CPSF3: variants seen among roughly 807,000 people sequenced by gnomAD.
CPSF3 encodes the protein cleavage and polyadenylation specific factor 3.
Under a neutral mutation model 84.1 loss-of-function variants are expected in CPSF3, and 57 were observed. The observed-to-expected ratio is 0.68, with a 90% confidence interval of 0.55 to 0.85. The LOEUF (loss-of-function observed/expected upper bound fraction) is 0.85. Among genes scored for constraint, CPSF3 ranks in the 40% least tolerant of loss-of-function variants. The pLI, the probability that CPSF3 is intolerant of heterozygous loss-of-function variation, is 0.00. For missense variants in CPSF3, 522 were observed against 838.8 expected (o/e 0.62, Z 4.66); for synonymous variants, 275 against 278.1 (o/e 0.99, Z 0.11).
intron 7 of CPSF3, among the ~76,000 whole-genome samples, chr2:9,439,078 C>G (rs1572776738): frequency 6.6e-6 from 1 of 152,082 alleles, no homozygotes; most frequent in East Asian, 1.9e-4. Context: ...AGTAATAAAT[C>G]ATGAATGGGA....
intron 6 of CPSF3, among the ~76,000 whole-genome samples, chr2:9,435,070 A>G (rs1234691506): frequency 6.6e-6 from 1 of 152,254 alleles, no homozygotes; most frequent in African/African-American, 2.4e-5. Context: ...ACCATACTTT[A>G]GAGCAGTGCT....
intron 9 of CPSF3, among the ~76,000 whole-genome samples, chr2:9,442,382 T>G (rs1680982687): frequency 6.6e-6 from 1 of 152,232 alleles, no homozygotes; most frequent in South Asian, 2.1e-4. Context: ...TTTTCAGCTC[T>G]TAGGGATGTA....
rs763152292 is a variant in CPSF3 at position 9,423,699 on chromosome 2, C to A, written c.-75C>A. On this transcript the variant is annotated 5_prime_UTR_variant, in exon 1 of 18. Coordinates refer to ENST00000238112, the MANE Select transcript of CPSF3 (RefSeq NM_016207.4). Reference sequence around the variant, plus strand: ...ATGGGGTTCTTCCTTTTTTATTTACCGGTGGCTGTGCTTCCAATTTAGGAA... The same window carrying A: ...ATGGGGTTCTTCCTTTTTTATTTACAGGTGGCTGTGCTTCCAATTTAGGAA... 2 of 1,562,396 alleles carry A rather than the reference C, an allele frequency of 1.3e-6. No homozygotes were observed. The highest frequency in any genetic ancestry group is 2.7e-5 in the African/African-American group (2 of 73,028).
intron 15 of CPSF3, among the ~76,000 whole-genome samples, chr2:9,460,940 G>C (rs1298310379): frequency 6.6e-6 from 1 of 151,908 alleles, no homozygotes; most frequent in African/African-American, 2.4e-5. Flanking sequence ...ATTAGATCCT[G>C]GACTCTCAGA....
rs1212682639 is a variant in CPSF3 at position 9,453,022 on chromosome 2, G to A, written c.1504+1G>A. Reference sequence around the variant, plus strand: ...ATACTTTCTCCTTGCGACCTGTCCAGTAAGTATACTATTAAATGTCAAATC... The same window carrying A: ...ATACTTTCTCCTTGCGACCTGTCCAATAAGTATACTATTAAATGTCAAATC... On this transcript the variant is annotated splice_donor_variant, in intron 12 of 17. Transcript: ENST00000238112. LOFTEE classifies it high-confidence loss of function. The A allele has an allele frequency of 6.4e-6, 10 of 1,551,470 alleles. No individual in the cohort carries two copies. The highest frequency in any genetic ancestry group is 7.9e-6 in the Non-Finnish European group (9 of 1,136,950).
chr2:9,428,022 A>T (rs558066945), intron 1 of CPSF3, among the ~76,000 whole-genome samples: 3 of 149,548 alleles, frequency 2.0e-5, no homozygotes, highest in Non-Finnish European at 4.4e-5. Context: ...TTTGAGGCAG[A>T]GTCTCGCTCT....
chr2:9,451,554 A>G (rs1174794659), intron 11 of CPSF3, among the ~76,000 whole-genome samples: 1 of 152,126 alleles, frequency 6.6e-6, no homozygotes, highest in African/African-American at 2.4e-5. Context: ...CCTTAAGCTC[A>G]GGAATTGAAG....
intron 5 of CPSF3, among the ~76,000 whole-genome samples, chr2:9,433,482 A>C (rs771256782): frequency 1.4e-4 from 21 of 152,324 alleles, no homozygotes; most frequent in Admixed American, 2.6e-4. Context: ...GCAGATGTGA[A>C]TTCTCTTGGA....
At chr2:9,425,139 G>C (rs759497842) in intron 1 of CPSF3, among the ~76,000 whole-genome samples, 1 of 152,168 alleles carries the variant, frequency 6.6e-6, no homozygotes, top group Non-Finnish European at 1.5e-5. Flanking sequence ...AAGACTGGGG[G>C]GCCCAGGATG....
At chr2:9,438,771 T>TA (rs1680871136) in intron 7 of CPSF3, among the ~76,000 whole-genome samples, 1 of 152,196 alleles carries the variant, frequency 6.6e-6, no homozygotes, top group Admixed American at 6.5e-5. Flanking sequence ...AATTCAAATT[T>TA]AACTGAGTAT....
intron 11 of CPSF3, among the ~76,000 whole-genome samples, chr2:9,448,580 C>T (rs899513511): frequency 1.6e-4 from 25 of 151,608 alleles, no homozygotes; most frequent in East Asian, 1.2e-3. Flanking sequence ...GTGTGTGAGA[C>T]GGAGTCTCGC....
intron 8 of CPSF3, chr2:9,441,598 C>T (rs1279849986): frequency 9.9e-6 from 5 of 507,594 alleles, no homozygotes; most frequent in African/African-American, 5.7e-5. Flanking sequence ...TTTTGAAGAT[C>T]GGGGTGAACT....
In CPSF3 at chr2:9,436,369, A is replaced by G. The variant is rs769880085; in HGVS notation, c.760+8A>G. On this transcript the variant is annotated splice_region_variant and intron_variant, in intron 7 of 17. Coordinates refer to ENST00000238112, the MANE Select transcript of CPSF3 (RefSeq NM_016207.4). Reference sequence around the variant, plus strand: ...AGCTGCTCTTGATTCTAGGTATGCCATTTCCTTTGTATTTAGGCGATGATC... The same window carrying G: ...AGCTGCTCTTGATTCTAGGTATGCCGTTTCCTTTGTATTTAGGCGATGATC... 3 of 1,597,268 alleles carry G rather than the reference A, an allele frequency of 1.9e-6. No individual in the cohort carries two copies. The South Asian group carries it at 3.4e-5, about 18-fold the overall frequency.
intron 10 of CPSF3, among the ~76,000 whole-genome samples, chr2:9,447,339 C>T (rs886520363): frequency 6.6e-6 from 1 of 151,970 alleles, no homozygotes; most frequent in Non-Finnish European, 1.5e-5. Context: ...ATTAGCCGGG[C>T]ATGGTGGCGT....
At chr2:9,467,025 A>G (rs1166992740) in intron 15 of CPSF3, among the ~76,000 whole-genome samples, 1 of 152,158 alleles carries the variant, frequency 6.6e-6, no homozygotes, top group East Asian at 1.9e-4. Flanking sequence ...ATCTGTACCT[A>G]GGAGTAGAAT....
At chr2:9,441,409 C>A (rs1452651354) in intron 8 of CPSF3, among the ~76,000 whole-genome samples, 1 of 152,188 alleles carries the variant, frequency 6.6e-6, no homozygotes, top group Non-Finnish European at 1.5e-5. Context: ...ATTTCCAGGC[C>A]AGCTCAAAAC....
intron 16 of CPSF3, among the ~76,000 whole-genome samples, chr2:9,468,452 T>A (rs1682047751): frequency 6.6e-6 from 1 of 151,986 alleles, no homozygotes; most frequent in Admixed American, 6.6e-5. Flanking sequence ...CTCAAATTCC[T>A]GGGCTCAAGG....
chr2:9,458,125 C>CA (rs1351708179), intron 14 of CPSF3, among the ~76,000 whole-genome samples: 3 of 152,158 alleles, frequency 2.0e-5, no homozygotes, highest in Non-Finnish European at 4.4e-5. Flanking sequence ...AGTGTCAGGC[C>CA]AGGCCCAGTG....
At chr2:9,466,622 C>T (rs1681991927) in intron 15 of CPSF3, among the ~76,000 whole-genome samples, 1 of 152,258 alleles carries the variant, frequency 6.6e-6, no homozygotes, top group South Asian at 2.1e-4. Context: ...TAAATGCACA[C>T]CTCCGAAAAG....
Sources: allele counts gnomAD v4.1 joint callset (sites outside exome capture counted in the v4.1 genomes callset), GRCh38; gene constraint gnomAD v4.1.1; transcripts MANE v1.5; gene names NCBI Gene and HGNC (gene_info 2026-07-23, HGNC 2026-07-21).